TRIO: variants seen among roughly 807,000 people sequenced by gnomAD.
The protein encoded by TRIO is trio Rho guanine nucleotide exchange factor, also known as triple functional domain protein.
In TRIO, 58 loss-of-function variants were observed where a neutral mutation model predicts 351.9. The observed-to-expected ratio is 0.16, with a 90% CI of 0.13 to 0.21. The LOEUF is 0.21. Among genes scored for constraint, TRIO ranks in the 10% least tolerant of loss-of-function variants. The pLI is 1.00. For missense variants in TRIO, 3,201 were observed against 4,027.8 expected, an observed-to-expected ratio of 0.79 and a Z score of 5.56; for synonymous variants, 1,758 against 1,595.7, an observed-to-expected ratio of 1.10 and a Z score of -2.42.
chr5:14,463,112 T>G (rs1023503767), intron 36 of TRIO, among the ~76,000 whole-genome samples, 187 bp downstream of exon 36: 1 of 152,264 alleles, frequency 6.6e-6, no homozygotes, highest in African/African-American at 2.4e-5. Flanking sequence ...CAAAGCCATT[T>G]AGAATAGCAG....
At chr5:14,346,667 T>C (rs943325400) in intron 11 of TRIO, among the ~76,000 whole-genome samples, 2 of 152,262 alleles carry the variant, frequency 1.3e-5, no homozygotes, top group African/African-American at 4.8e-5. Flanking sequence ...TTTTGTTCTC[T>C]ACTAGGTTTC....
chr5:14,493,173 A>G (rs1157588536), intron 49 of TRIO, among the ~76,000 whole-genome samples: 1 of 152,156 alleles, frequency 6.6e-6, no homozygotes, highest in Non-Finnish European at 1.5e-5. Context: ...TTTGACATAC[A>G]TTCTTAGGCC....
intron 11 of TRIO, among the ~76,000 whole-genome samples, chr5:14,341,540 C>G (rs1741943052): frequency 2.0e-5 from 3 of 152,318 alleles, no homozygotes; most frequent in Admixed American, 1.3e-4. Context: ...TAAGTGATGT[C>G]TATTTCTAGC....
At chr5:14,233,315 T>C (rs1793571426) in intron 1 of TRIO, among the ~76,000 whole-genome samples, 1 of 34,456 alleles carries the variant, frequency 2.9e-5, no homozygotes, top group Non-Finnish European at 5.6e-5. Flanking sequence ...ACCTCGTCTC[T>C]TAAAAAAAAA....
chr5:14,329,785 A>G (rs1470128915), intron 9 of TRIO, among the ~76,000 whole-genome samples: 4 of 152,240 alleles, frequency 2.6e-5, no homozygotes, highest in African/African-American at 9.6e-5. Context: ...CAAAGAGGAC[A>G]AAGTGGGCAT....
At chr5:14,353,536 TAC>T (rs1743331742) in intron 11 of TRIO, among the ~76,000 whole-genome samples, 1 of 152,102 alleles carries the variant, frequency 6.6e-6, no homozygotes, top group South Asian at 2.1e-4. Flanking sequence ...TGCTGGGAAA[TAC>T]AGGCGTGAAC....
intron 53 of TRIO, among the ~76,000 whole-genome samples, chr5:14,499,589 A>G (rs889810772): frequency 1.3e-5 from 2 of 152,250 alleles, no homozygotes; most frequent in African/African-American, 4.8e-5. Flanking sequence ...ACAACATTAA[A>G]TCAGAAGACA....
At chr5:14,440,142 C>T (rs1016969314) in intron 34 of TRIO, among the ~76,000 whole-genome samples, 1 of 152,050 alleles carries the variant, frequency 6.6e-6, no homozygotes, top group Non-Finnish European at 1.5e-5. Context: ...TTAGATAAAG[C>T]AGACATGAGA....
At chr5:14,364,879 C>A (rs963284807) in intron 15 of TRIO, 63 bp downstream of exon 15, 2 of 1,520,300 alleles carry the variant, frequency 1.3e-6, no homozygotes, top group African/African-American at 2.8e-5. Flanking sequence ...TCATCGACTT[C>A]CCGGAAATTC....
intron 48 of TRIO, chr5:14,489,038 G>T: frequency 1.3e-6 from 1 of 765,258 alleles, no homozygotes; most frequent in Non-Finnish European, 2.4e-6. Context: ...AGGGCAGATG[G>T]CCTGGCCCGT....
chr5:14,435,273 G>A (rs970469259), intron 34 of TRIO, among the ~76,000 whole-genome samples: 1 of 152,180 alleles, frequency 6.6e-6, no homozygotes, highest in Admixed American at 6.5e-5. Context: ...AGCACCCGCA[G>A]TTTGAATCCC....
chr5:14,329,349 C>A (rs1243483954), intron 9 of TRIO, among the ~76,000 whole-genome samples: 1 of 152,224 alleles, frequency 6.6e-6, no homozygotes, highest in Admixed American at 6.5e-5. Flanking sequence ...GTGGGGCTTC[C>A]AGGAGGGAAT....
chr5:14,459,307 G>A (rs778406283), intron 34 of TRIO, among the ~76,000 whole-genome samples: 1 of 152,262 alleles, frequency 6.6e-6, no homozygotes, highest in Non-Finnish European at 1.5e-5. Context: ...CAGAGAGGCA[G>A]TGCAGCCCCT....
At chr5:14,480,455 T>C (rs1755430217) in intron 43 of TRIO, among the ~76,000 whole-genome samples, 2 of 152,242 alleles carry the variant, frequency 1.3e-5, no homozygotes, top group Admixed American at 6.5e-5. Flanking sequence ...CTCTATCAAC[T>C]TTAATTATTT....
In TRIO at chr5:14,316,971, A is replaced by C. The variant is rs540741014; in HGVS notation, c.1731+228A>C. ...ACCCAGGAGAGGATGTGGGGCCTAC[A>C]CTGGGAAGTTTTCTTCTAGAATCGG... On this transcript the variant is annotated intron_variant, in intron 9 of 56. Coordinates refer to ENST00000344204, the MANE Select transcript of TRIO (RefSeq NM_007118.4). Among the ~76,000 whole-genome samples the C allele has an allele frequency of 9.3e-4, 142 of 152,270 alleles. 1 individual carries two copies. The Middle Eastern group carries it at 0.024, about 26-fold the overall frequency.
intron 1 of TRIO, among the ~76,000 whole-genome samples, chr5:14,202,312 TTTTTTTTTTTTTTTTTTTG>T (rs1264662281): frequency 2.5e-4 from 31 of 121,788 alleles, no homozygotes; most frequent in East Asian, 5.8e-4. Flanking sequence ...TTTTTTTTTT[TTTTTTTTTTTTTTTTTTTG>T]CTCATCAGCT....
chr5:14,424,106 A>G (rs1750425246), intron 34 of TRIO, among the ~76,000 whole-genome samples: 1 of 152,030 alleles, frequency 6.6e-6, no homozygotes, highest in Non-Finnish European at 1.5e-5. Flanking sequence ...GTGGCAAGGG[A>G]GGAGTGAGTG....
At chr5:14,484,995 A>C in intron 46 of TRIO, 74 bp from the exon 47 acceptor site, 1 of 1,405,770 alleles carries the variant, frequency 7.1e-7, no homozygotes, top group Non-Finnish European at 9.4e-7. Context: ...TTGTCCATTC[A>C]TCGGTCAGTG....
chr5:14,369,293 C>T, intron 17 of TRIO, 81 bp from the exon 18 acceptor site: 2 of 1,506,790 alleles, frequency 1.3e-6, no homozygotes, highest in Admixed American at 4.2e-5. Flanking sequence ...ATCCCCAGAG[C>T]CCGACTGAAA....
Sources: allele counts gnomAD v4.1 joint callset (sites outside exome capture counted in the v4.1 genomes callset), GRCh38; gene constraint gnomAD v4.1.1; transcripts MANE v1.5; gene names NCBI Gene and HGNC (gene_info 2026-07-23, HGNC 2026-07-21).